The following ZNF709 variants were observed in gnomAD, a reference collection of about 807,000 sequenced individuals.
ZNF709 encodes zinc finger protein 709.
Under a neutral mutation model 10.6 loss-of-function variants are expected in ZNF709, and 15 were observed. The ratio of observed to expected loss-of-function variants is 1.41; its 90% CI spans 0.95 to 2.18. The LOEUF (loss-of-function observed/expected upper bound fraction) is 2.18, where lower values mean the gene tolerates loss of function less well. ZNF709 is among the 30% of genes most tolerant of loss of function. ZNF709 has a pLI of 0.00. For synonymous variants in ZNF709, 194 were observed against 238.8 expected (o/e 0.81, Z 1.73); for missense variants, 589 against 774.0 (o/e 0.76, Z 2.84).
In ZNF709 at chr19:12,465,646, G is replaced by A; in HGVS notation, c.276C>T (p.Asn92=). Residue 92 remains asparagine, a synonymous_variant, in exon 4 of 4, where the codon AAC becomes AAT. Coordinates refer to ENST00000397732, the MANE Select transcript of ZNF709 (RefSeq NM_152601.4). The part of the protein sequence containing the change: ...TISQTPNPKP[N]KKTFTRVKPY... ...GTTTTACTCTAGTAAAAGTTTTCTT[G>A]TTTGGTTTAGGATTTGGAGTCTGAC... 1.2e-6 allele frequency: 2 copies of A among 1,612,752 alleles called. No individual in the cohort carries two copies. Among genetic ancestry groups the A allele is most frequent in the Non-Finnish European group, 1.7e-6 (2 of 1,179,710 alleles).
intron 1 of ZNF709, among the ~76,000 whole-genome samples, chr19:12,470,728 C>T (rs141324544): frequency 0.028 from 4,189 of 152,038 alleles, 80 homozygotes; most frequent in South Asian, 0.052. Context: ...GAGATCGAGA[C>T]CATCCTGGCT....
chr19:12,467,565 C>G (rs1324493708), intron 1 of ZNF709, among the ~76,000 whole-genome samples: 2 of 152,184 alleles, frequency 1.3e-5, no homozygotes, highest in African/African-American at 4.8e-5. Flanking sequence ...GCTGCCACCC[C>G]GTCTGGGAAG....
Position 12,471,752 on chromosome 19 carries a change from T to C in ZNF709, c.4-4902A>G, listed in dbSNP as rs542946709. On this transcript the variant is annotated intron_variant, in intron 1 of 3. Coordinates refer to ENST00000397732, the MANE Select transcript of ZNF709 (RefSeq NM_152601.4). The stretch of plus-strand genomic sequence containing the variant: ...TATGCAGAAGGGACACACTGTTGTC[T>C]AACTGGAAAAAGCATTGCATCAGCT... 4.6e-5 allele frequency among the ~76,000 whole-genome samples: 7 copies of C among 152,358 alleles called. No homozygotes were observed. The South Asian group carries it at 1.4e-3, about 32-fold the overall frequency.
Position 12,461,454 on chromosome 19 carries a change from GT to G in ZNF709, c.*2541del, listed in dbSNP as rs1465921808. 2.0e-5 allele frequency: 3 copies of G among 152,064 alleles called. No individual in the cohort carries two copies. The East Asian group carries it at 5.8e-4, about 29-fold the overall frequency. The allele number at this position is 152,064 out of a possible 1,614,324, so 9.4% of individuals were successfully genotyped here. ...ATTCTTACACTGTAGGACTGGGTAA[GT>G]GCATTCCCTGCACAGTGCAGTGGAG... On this transcript the variant is annotated 3_prime_UTR_variant, in exon 4 of 4. Transcript: ENST00000397732.
At chr19:12,468,086 C>T (rs918442250) in intron 1 of ZNF709, among the ~76,000 whole-genome samples, 65 of 150,464 alleles carry the variant, frequency 4.3e-4, no homozygotes, top group Middle Eastern at 3.7e-3. Context: ...GGTCAGCCCC[C>T]GCCCGGCCAG....
intron 1 of ZNF709, among the ~76,000 whole-genome samples, chr19:12,484,115 C>G (rs1970756368): frequency 6.6e-6 from 1 of 152,178 alleles, no homozygotes; most frequent in South Asian, 2.1e-4. Context: ...ACGTTGTGAA[C>G]TGGAGAGAAG....
intron 1 of ZNF709, among the ~76,000 whole-genome samples, chr19:12,474,799 T>C (rs1257164570): frequency 1.3e-5 from 2 of 152,166 alleles, no homozygotes; most frequent in Non-Finnish European, 2.9e-5. Flanking sequence ...TATGAAAGTA[T>C]AAAACTCATG....
intron 1 of ZNF709, among the ~76,000 whole-genome samples, chr19:12,479,881 TG>T (rs1481559587): frequency 6.6e-6 from 1 of 151,830 alleles, no homozygotes; most frequent in Non-Finnish European, 1.5e-5. Flanking sequence ...AAAAAAAGAC[TG>T]AATCCAGCTG....
At chr19:12,481,535 C>T (rs1455708572) in intron 1 of ZNF709, among the ~76,000 whole-genome samples, 6 of 152,174 alleles carry the variant, frequency 3.9e-5, no homozygotes, top group Admixed American at 2.0e-4. Flanking sequence ...CCACCACACC[C>T]GGCCTGGTTT....
At chr19:12,484,268 A>C (rs1970757892) in intron 1 of ZNF709, among the ~76,000 whole-genome samples, 1 of 152,136 alleles carries the variant, frequency 6.6e-6, no homozygotes. Context: ...TCCCTTGGGA[A>C]GAAAAGAGGG....
At chr19:12,468,237 T>A (rs1970601726) in intron 1 of ZNF709, among the ~76,000 whole-genome samples, 1 of 152,196 alleles carries the variant, frequency 6.6e-6, no homozygotes, top group Admixed American at 6.5e-5. Context: ...CAATGGCGGT[T>A]TTGTGGAATA....
intron 1 of ZNF709, among the ~76,000 whole-genome samples, chr19:12,470,320 A>G (rs1181006208): frequency 6.6e-6 from 1 of 152,220 alleles, no homozygotes; most frequent in African/African-American, 2.4e-5. Flanking sequence ...TGGTAAAGTA[A>G]CAGAAATATC....
At chr19:12,476,015 A>G (rs1039463011) in intron 1 of ZNF709, among the ~76,000 whole-genome samples, 1 of 152,224 alleles carries the variant, frequency 6.6e-6, no homozygotes, top group Non-Finnish European at 1.5e-5. Flanking sequence ...ATCCACATGC[A>G]AAACACAATG....
Position 12,463,978 on chromosome 19 carries a change from T to C in ZNF709, c.*18A>G, listed in dbSNP as rs749104384. ...TAGGACAACTGAAAACTTTGCCATA[T>C]TGCTTATATACATAGGGTTACTCTC... is the stretch of plus-strand genomic sequence containing the variant. On this transcript the variant is annotated 3_prime_UTR_variant, in exon 4 of 4. Coordinates refer to ENST00000397732, the MANE Select transcript of ZNF709 (RefSeq NM_152601.4). The C allele has an allele frequency of 5.1e-6, 7 of 1,375,560 alleles. No individual in the cohort carries two copies. The highest frequency in any genetic ancestry group is 5.4e-5 in the Admixed American group (2 of 37,244). The allele number at this position is 1,375,560 out of a possible 1,614,324, so 85.2% of individuals were successfully genotyped here.
At chr19:12,477,111 T>C (rs1229741899) in intron 1 of ZNF709, among the ~76,000 whole-genome samples, 2 of 152,142 alleles carry the variant, frequency 1.3e-5, no homozygotes, top group Non-Finnish European at 2.9e-5. Flanking sequence ...ATGTTGGATA[T>C]TGGTATAGGG....
At chr19:12,484,044 G>T (rs1427919779) in intron 1 of ZNF709, among the ~76,000 whole-genome samples, 2 of 152,162 alleles carry the variant, frequency 1.3e-5, no homozygotes, top group Non-Finnish European at 2.9e-5. Context: ...CTTTTTAAAA[G>T]AACCATCCAT....
rs67044147 is a variant in ZNF709 at position 12,465,941 on chromosome 19, C to CT, written c.189-209dup. Among the ~76,000 whole-genome samples the CT allele has an allele frequency of 5.9e-3, 807 of 136,314 alleles. 9 individuals are homozygous for CT. The highest frequency in any genetic ancestry group is 0.018 in the African/African-American group (674 of 37,614). 89.4% of individuals were successfully genotyped at this position (136,314 alleles called of 152,430 possible). On this transcript the variant is annotated intron_variant, in intron 3 of 3. Transcript: ENST00000397732. ...AAAATTCATCACATAGAGTTTATTT[C>CT]TTTTTTTTTTTTTTTTTGAGACAGA...
intron 3 of ZNF709, 127 bp downstream of exon 3, chr19:12,466,335 C>T: frequency 2.1e-6 from 2 of 951,492 alleles, no homozygotes; most frequent in African/African-American, 1.7e-5. Flanking sequence ...ACGTTCTTGG[C>T]AAAAATTTTC....
At chr19:12,479,228 A>C (rs867906325) in intron 1 of ZNF709, among the ~76,000 whole-genome samples, 1 of 152,040 alleles carries the variant, frequency 6.6e-6, no homozygotes, top group African/African-American at 2.4e-5. Flanking sequence ...ACTTGAGCCC[A>C]GGAGGTTGAG....
Sources: allele counts gnomAD v4.1 joint callset (sites outside exome capture counted in the v4.1 genomes callset), GRCh38; gene constraint gnomAD v4.1.1; transcripts MANE v1.5; gene names NCBI Gene and HGNC (gene_info 2026-07-23, HGNC 2026-07-21).